AKT3: variants seen among roughly 807,000 people sequenced by gnomAD.
AKT3 encodes AKT serine/threonine kinase 3.
A neutral mutation model predicts 65.3 loss-of-function variants in AKT3; 15 were observed. The ratio of observed to expected loss-of-function variants is 0.23; its 90% confidence interval spans 0.15 to 0.35. The LOEUF (loss-of-function observed/expected upper bound fraction) is 0.35. AKT3 is among the 10% of genes least tolerant of loss of function. The probability of loss-of-function intolerance (pLI) is 1.00; values close to 1 mark genes in which losing one functional copy is unlikely to be tolerated. For missense variants in AKT3, 243 were observed against 576.5 expected (o/e 0.42, Z 5.92); for synonymous variants, 206 against 183.8 (o/e 1.12, Z -0.98).
intron 8 of AKT3, among the ~76,000 whole-genome samples, chr1:243,589,874 T>C (rs982170070): frequency 2.0e-5 from 3 of 152,108 alleles, no homozygotes; most frequent in African/African-American, 7.2e-5. Flanking sequence ...AAATGGATAA[T>C]GAAAATGTGG....
chr1:243,597,563 G>A (rs1298544933), intron 8 of AKT3, among the ~76,000 whole-genome samples: 3 of 152,098 alleles, frequency 2.0e-5, no homozygotes, highest in East Asian at 1.9e-4. Flanking sequence ...AAGTGCAGTC[G>A]CATGATGGCT....
intron 5 of AKT3, among the ~76,000 whole-genome samples, chr1:243,639,429 C>T (rs1475902292): frequency 2.6e-5 from 4 of 152,136 alleles, no homozygotes; most frequent in Admixed American, 1.3e-4. Flanking sequence ...TCTCCTTTCA[C>T]AAGATGCAGG....
intron 12 of AKT3, among the ~76,000 whole-genome samples, chr1:243,544,171 A>G (rs761286935): frequency 6.6e-6 from 1 of 151,478 alleles, no homozygotes; most frequent in Non-Finnish European, 1.5e-5. Flanking sequence ...TTCATAGTAA[A>G]CATTTTATAC....
intron 3 of AKT3, among the ~76,000 whole-genome samples, chr1:243,667,328 T>C (rs1174970235): frequency 2.0e-5 from 3 of 152,298 alleles, no homozygotes; most frequent in Non-Finnish European, 4.4e-5. Context: ...TCTGAACATG[T>C]CCGAACGTGA....
chr1:243,497,169 A>C (rs980963870), downstream of AKT3, among the ~76,000 whole-genome samples: 1 of 152,168 alleles, frequency 6.6e-6, no homozygotes, highest in East Asian at 1.9e-4. Flanking sequence ...ATGGCAGACA[A>C]GCCAGATGTG....
chr1:243,634,889 C>T (rs1226659949), intron 6 of AKT3, among the ~76,000 whole-genome samples: 2 of 151,858 alleles, frequency 1.3e-5, no homozygotes, highest in Non-Finnish European at 2.9e-5. Context: ...ATGATGAATA[C>T]AACAACCAGA....
chr1:243,821,899 A>G (rs1023570890), intron 2 of AKT3, among the ~76,000 whole-genome samples: 1 of 152,236 alleles, frequency 6.6e-6, no homozygotes, highest in Non-Finnish European at 1.5e-5. Flanking sequence ...AAGGATATTC[A>G]GGACCTGAAC....
chr1:243,762,917 A>T (rs1325333818), intron 2 of AKT3, among the ~76,000 whole-genome samples: 1 of 152,092 alleles, frequency 6.6e-6, no homozygotes, highest in Admixed American at 6.6e-5. Context: ...AACTTATGAA[A>T]GCAAAAAATT....
chr1:243,728,505 T>G (rs900276716), intron 2 of AKT3, among the ~76,000 whole-genome samples: 13 of 152,230 alleles, frequency 8.5e-5, no homozygotes, highest in African/African-American at 3.1e-4. Context: ...TGTGAACTTA[T>G]GGTGTGCTAA....
At chr1:243,557,120 G>T (rs1022833192) in intron 10 of AKT3, among the ~76,000 whole-genome samples, 1 of 152,036 alleles carries the variant, frequency 6.6e-6, no homozygotes, top group African/African-American at 2.4e-5. Flanking sequence ...CCTTTGACAA[G>T]AGAAAGGCTA....
chr1:243,722,114 TCA>T (rs1558753662), intron 2 of AKT3, among the ~76,000 whole-genome samples: 1 of 152,202 alleles, frequency 6.6e-6, no homozygotes, highest in Non-Finnish European at 1.5e-5. Context: ...GCTTAGCAGG[TCA>T]CAGCAGGTGT....
intron 4 of AKT3, among the ~76,000 whole-genome samples, chr1:243,659,482 G>C (rs1040173343): frequency 6.6e-6 from 1 of 151,808 alleles, no homozygotes; most frequent in African/African-American, 2.4e-5. Context: ...AAAAAAATAA[G>C]GGATATGTTG....
intron 2 of AKT3, among the ~76,000 whole-genome samples, chr1:243,764,391 AT>A (rs1008302639): frequency 7.2e-5 from 11 of 152,064 alleles, no homozygotes; most frequent in African/African-American, 2.7e-4. Flanking sequence ...CAAAAGTAAC[AT>A]TTTTTAAGTA....
chr1:243,564,145 C>A (rs1483119077), intron 9 of AKT3, among the ~76,000 whole-genome samples: 3 of 152,116 alleles, frequency 2.0e-5, no homozygotes, highest in African/African-American at 7.2e-5. Context: ...CTTTTCAAAG[C>A]AAACATCAAT....
intron 2 of AKT3, among the ~76,000 whole-genome samples, chr1:243,736,090 G>A (rs1424468666): frequency 2.6e-5 from 4 of 151,962 alleles, no homozygotes; most frequent in African/African-American, 9.7e-5. Context: ...TTGAGATGGG[G>A]GTAAAAAGTA....
chr1:243,780,008 A>G (rs941938014), intron 2 of AKT3, among the ~76,000 whole-genome samples: 1 of 152,138 alleles, frequency 6.6e-6, no homozygotes, highest in African/African-American at 2.4e-5. Flanking sequence ...CTAAAATGAA[A>G]AAGGAATGTC....
chr1:243,798,468 G>C (rs1266316837), intron 2 of AKT3, among the ~76,000 whole-genome samples: 1 of 126,396 alleles, frequency 7.9e-6, no homozygotes, highest in African/African-American at 3.0e-5. Flanking sequence ...TCAAACTCCT[G>C]GGCTCAAGCA....
intron 8 of AKT3, among the ~76,000 whole-genome samples, chr1:243,591,313 GA>G (rs1488653539): frequency 6.6e-6 from 1 of 152,172 alleles, no homozygotes; most frequent in Non-Finnish European, 1.5e-5. Flanking sequence ...GCATCTAACA[GA>G]GTTTTAAAAA....
chr1:243,697,899 CAAAT>C (rs1419496127), intron 2 of AKT3, among the ~76,000 whole-genome samples: 3 of 151,166 alleles, frequency 2.0e-5, no homozygotes, highest in Admixed American at 1.3e-4. Context: ...ATTTATTAAA[CAAAT>C]GAATAAATAG....
Sources: gnomAD v4.1 joint callset for allele counts (sites outside exome capture counted in the v4.1 genomes callset) on GRCh38, gnomAD v4.1.1 for gene constraint, MANE v1.5 for transcripts, NCBI Gene and HGNC (gene_info 2026-07-23, HGNC 2026-07-21) for gene names.